Variants in PCDHA6 observed in about 807,000 individuals in gnomAD.
The protein encoded by PCDHA6 is protocadherin alpha 6.
Under a neutral mutation model 60.3 loss-of-function variants are expected in PCDHA6, and 55 were observed. The observed-to-expected ratio is 0.91, with a 90% CI of 0.73 to 1.14. The LOEUF (loss-of-function observed/expected upper bound fraction) is 1.14, where lower values mean the gene tolerates loss of function less well. Among genes scored for constraint, PCDHA6 ranks in the 50% most tolerant of loss-of-function variants. The pLI is 0.00. For synonymous variants in PCDHA6, 652 were observed against 557.9 expected, an observed-to-expected ratio of 1.17 and a Z score of -2.38; for missense variants, 1,327 against 1,256.5, an observed-to-expected ratio of 1.06 and a Z score of -0.85.
Position 140,829,805 on chromosome 5 carries a change from G to A in PCDHA6, c.1714G>A (p.Gly572Ser). Residue 572 changes from glycine to serine, a missense_variant, in exon 1 of 4, where the codon GGT (glycine) becomes AGT (serine). Gly to Ser is a moderately conservative substitution (Grantham distance 56, BLOSUM62 0). Transcript: ENST00000529310. ...APALLAPRVGGTGGAVSELVP... is the reference protein window; with the variant it reads ...APALLAPRVGSTGGAVSELVP... ...GGCGCTGCTGGCGCCTCGGGTGGGT[G>A]GTACTGGTGGTGCAGTGAGCGAGCT... 6.2e-7 allele frequency: 1 copy of A among 1,613,860 alleles called. No homozygotes were observed. The highest frequency in any genetic ancestry group is 8.5e-7 in the Non-Finnish European group (1 of 1,179,874).
chr5:140,842,707 G>A, intron 1 of PCDHA6: 1 of 1,595,290 alleles, frequency 6.3e-7, no homozygotes, highest in Non-Finnish European at 8.6e-7. Context: ...AGTACACGGT[G>A]TTCGTGAAGG....
At position 140,850,728 on chromosome 5, in the gene PCDHA6, G is replaced by T. The variant is rs2150496245; in HGVS notation, c.2394+20243G>T. The T allele has an allele frequency of 4.2e-5, 67 of 1,598,072 alleles. 6 individuals are homozygous for T. The highest frequency in any genetic ancestry group is 5.7e-5 in the Non-Finnish European group (66 of 1,167,642). On this transcript the variant is annotated intron_variant, in intron 1 of 3. Transcript: ENST00000529310. ...GCCGACGCTGGTGTGTTCTAGCGCGGTGGGGAGTTGGTCGTACTCGCAGCA... is the reference window on the plus strand; with the variant it reads ...GCCGACGCTGGTGTGTTCTAGCGCGTTGGGGAGTTGGTCGTACTCGCAGCA...
At chr5:140,953,419 C>T (rs2094885258) in intron 1 of PCDHA6, among the ~76,000 whole-genome samples, 2 of 152,134 alleles carry the variant, frequency 1.3e-5, no homozygotes, top group Admixed American at 1.3e-4. Context: ...GGCTCCTCCC[C>T]TTTGTCCTTA....
At chr5:140,906,443 G>GAAATAA (rs1554192538) in intron 1 of PCDHA6, among the ~76,000 whole-genome samples, 1 of 152,068 alleles carries the variant, frequency 6.6e-6, no homozygotes, top group Non-Finnish European at 1.5e-5. Flanking sequence ...AACAAGAAAG[G>GAAATAA]AAATAAAATG....
intron 3 of PCDHA6, among the ~76,000 whole-genome samples, chr5:141,003,809 G>C (rs1554259330): frequency 6.6e-6 from 1 of 152,290 alleles, no homozygotes; most frequent in African/African-American, 2.4e-5. Flanking sequence ...GTAATCTGTA[G>C]TCTGGGAAGG....
At chr5:140,891,428 C>G (rs2063097176) in intron 1 of PCDHA6, among the ~76,000 whole-genome samples, 1 of 149,620 alleles carries the variant, frequency 6.7e-6, no homozygotes, top group Admixed American at 6.7e-5. Flanking sequence ...CCCCAAGTCC[C>G]CAACGTCCAT....
intron 1 of PCDHA6, among the ~76,000 whole-genome samples, chr5:140,902,107 T>G (rs2069104126): frequency 6.6e-6 from 1 of 152,174 alleles, no homozygotes; most frequent in African/African-American, 2.4e-5. Flanking sequence ...CTTTAGATTT[T>G]TTTAAAACTG....
At chr5:140,984,295 A>C (rs1195087908) in intron 3 of PCDHA6, among the ~76,000 whole-genome samples, 3 of 152,208 alleles carry the variant, frequency 2.0e-5, no homozygotes, top group African/African-American at 7.2e-5. Flanking sequence ...CCCATTGGTG[A>C]TGCTGGTTGG....
chr5:140,848,314 G>T, intron 1 of PCDHA6: 1 of 733,978 alleles, frequency 1.4e-6, no homozygotes, highest in Non-Finnish European at 2.3e-6. Context: ...ACTCTTTGCC[G>T]CGATGTTCTC....
chr5:140,844,162 T>C (rs1328391429), intron 1 of PCDHA6, among the ~76,000 whole-genome samples: 8 of 149,794 alleles, frequency 5.3e-5, no homozygotes, highest in Non-Finnish European at 1.0e-4. Context: ...TTTTATTCAC[T>C]TTAAGATCTC....
At chr5:140,848,250 C>A in intron 1 of PCDHA6, 1 of 460,454 alleles carries the variant, frequency 2.2e-6, no homozygotes, top group Non-Finnish European at 3.8e-6. Context: ...TGCAGAATAA[C>A]TGTGAAATTT....
intron 1 of PCDHA6, among the ~76,000 whole-genome samples, chr5:140,965,867 C>T (rs1267904737): frequency 1.3e-5 from 2 of 152,164 alleles, no homozygotes; most frequent in Non-Finnish European, 2.9e-5. Context: ...AAAATAAGGG[C>T]CACTTGGCCG....
chr5:140,841,654 C>T lies in PCDHA6; in HGVS notation c.2394+11169C>T, dbSNP rs1270188852. ...GCATCCACCTGGAGGTGATCGTGGA[C>T]AGGCCGCTGCAGGTTTTCCATGTGG... On this transcript the variant is annotated intron_variant, in intron 1 of 3. Transcript: ENST00000529310. 3 of 1,613,998 alleles carry T rather than the reference C, an allele frequency of 1.9e-6. No homozygotes were observed. In the African/African-American group the frequency reaches 4.0e-5, roughly 22 times the overall value.
At chr5:140,843,313 G>T (rs1554139942) in intron 1 of PCDHA6, 3 of 1,595,962 alleles carry the variant, frequency 1.9e-6, no homozygotes, top group Admixed American at 1.7e-5. Context: ...CCACGGCCAC[G>T]GTTCTGGTGT....
intron 1 of PCDHA6, among the ~76,000 whole-genome samples, chr5:140,914,941 T>C (rs1554196635): frequency 6.9e-6 from 1 of 145,614 alleles, no homozygotes; most frequent in Non-Finnish European, 1.5e-5. Flanking sequence ...TGTGAAAAGT[T>C]GTCTTTTTTT....
chr5:140,882,462 G>T, intron 1 of PCDHA6: 1 of 1,614,036 alleles, frequency 6.2e-7, no homozygotes, highest in Non-Finnish European at 8.5e-7. Context: ...CGCCTGTTCC[G>T]GGTGGCGTCC....
At chr5:140,874,326 GT>G (rs150189539) in intron 1 of PCDHA6, among the ~76,000 whole-genome samples, 3,860 of 152,194 alleles carry the variant, frequency 0.025, 154 homozygotes, top group African/African-American at 0.088. Flanking sequence ...GATCTTATCT[GT>G]TTTTTTCTCT....
chr5:140,857,354 G>A lies in PCDHA6; in HGVS notation c.2394+26869G>A, dbSNP rs1449369579. 2.5e-6 allele frequency: 4 copies of A among 1,598,262 alleles called. No homozygotes were observed. In the African/African-American group the frequency reaches 5.4e-5, roughly 22 times the overall value. ...GGACGGGGGCTCGCCTCCGCTGTGG[G>A]CCACGGCCAGCGTGTCTGTGGAGGT... On this transcript the variant is annotated intron_variant, in intron 1 of 3. Transcript: ENST00000529310.
intron 1 of PCDHA6, among the ~76,000 whole-genome samples, chr5:140,960,268 C>T (rs909300103): frequency 3.3e-5 from 5 of 152,222 alleles, no homozygotes; most frequent in African/African-American, 7.2e-5. Context: ...TGATAAATTC[C>T]GTCACCTTTT....
Sources: allele counts gnomAD v4.1 joint callset (sites outside exome capture counted in the v4.1 genomes callset), GRCh38; gene constraint gnomAD v4.1.1; transcripts MANE v1.5; gene names NCBI Gene and HGNC (gene_info 2026-07-23, HGNC 2026-07-21).